DAB1: variants seen among roughly 807,000 people sequenced by gnomAD.
DAB1 encodes disabled homolog 1.
Under a neutral mutation model 64.6 loss-of-function variants are expected in DAB1, and 15 were observed. The ratio of observed to expected loss-of-function variants is 0.23; its 90% CI spans 0.16 to 0.36. The LOEUF is 0.36. DAB1 is among the 10% of genes least tolerant of loss of function. The pLI, the probability that DAB1 is intolerant of heterozygous loss-of-function variation, is 1.00. For synonymous variants in DAB1, 235 were observed against 251.9 expected (o/e 0.93, Z 0.64); for missense variants, 596 against 706.7 (o/e 0.84, Z 1.78).
At chr1:58,190,312 C>T (rs533206546) in intron 4 of DAB1, among the ~76,000 whole-genome samples, 12 of 152,336 alleles carry the variant, frequency 7.9e-5, no homozygotes, top group African/African-American at 2.6e-4. Context: ...CCACTCTGAA[C>T]TTCAAGGGGC....
At chr1:58,039,966 C>CAA (rs546207614) in intron 5 of DAB1, among the ~76,000 whole-genome samples, 1 of 151,852 alleles carries the variant, frequency 6.6e-6, no homozygotes, top group African/African-American at 2.4e-5. Context: ...GCAAAACTAG[C>CAA]AAAAAAATAT....
chr1:57,123,695 T>C (rs1315375279), intron 4 of DAB1, among the ~76,000 whole-genome samples: 1 of 152,170 alleles, frequency 6.6e-6, no homozygotes, highest in Non-Finnish European at 1.5e-5. Context: ...TTTTACTAAA[T>C]TATGGTATAC....
intron 4 of DAB1, among the ~76,000 whole-genome samples, chr1:58,326,984 A>G (rs1047603025): frequency 6.6e-6 from 1 of 152,202 alleles, no homozygotes; most frequent in Admixed American, 6.5e-5. Context: ...TAAAGGGACC[A>G]TATCACTTTT....
At chr1:58,321,345 G>A (rs956707775) in intron 4 of DAB1, among the ~76,000 whole-genome samples, 4 of 152,176 alleles carry the variant, frequency 2.6e-5, no homozygotes, top group Non-Finnish European at 4.4e-5. Flanking sequence ...CAAGGTGATC[G>A]ACGCAGAAGA....
intron 5 of DAB1, among the ~76,000 whole-genome samples, chr1:57,992,731 C>T (rs1483331775): frequency 2.0e-5 from 3 of 151,998 alleles, no homozygotes; most frequent in Non-Finnish European, 4.4e-5. Context: ...TTAGGCTCTG[C>T]TTGAATCCTT....
chr1:57,811,108 G>A (rs993816157), intron 6 of DAB1, among the ~76,000 whole-genome samples: 3 of 152,106 alleles, frequency 2.0e-5, no homozygotes, highest in African/African-American at 7.2e-5. Flanking sequence ...TTGCACTTAA[G>A]GCCCACCTGA....
intron 4 of DAB1, among the ~76,000 whole-genome samples, chr1:58,183,247 T>A (rs771673180): frequency 1.3e-5 from 2 of 152,078 alleles, no homozygotes; most frequent in Admixed American, 6.6e-5. Context: ...TCAGGCAGTT[T>A]ACAAATCTGA....
chr1:58,420,027 A>C (rs1342819369), intron 3 of DAB1, among the ~76,000 whole-genome samples: 4 of 152,154 alleles, frequency 2.6e-5, no homozygotes. Context: ...TTCCTATGTA[A>C]TCATTTCCTG....
chr1:58,515,679 C>A (rs1569930341), intron 2 of DAB1, among the ~76,000 whole-genome samples: 1 of 152,096 alleles, frequency 6.6e-6, no homozygotes, highest in Admixed American at 6.6e-5. Context: ...AAGCAAAGAA[C>A]CTAAAACAGT....
Position 57,645,175 on chromosome 1 carries a change from A to G in DAB1, n.625+4417T>C, listed in dbSNP as rs1444726302. 2.0e-5 allele frequency among the ~76,000 whole-genome samples: 3 copies of G among 152,264 alleles called. No homozygotes were observed. In the East Asian group the frequency reaches 5.8e-4, roughly 29 times the overall value. ...TACCTCCCAAGTCTCCCTGTGGCCT[A>G]CCTAACTGAAAACATGCCAAGAAAC... On this transcript the variant is annotated intron_variant and non_coding_transcript_variant, in intron 7 of 20. Transcript: ENST00000485760.
chr1:57,144,494 G>T (rs2100821041), intron 3 of DAB1, among the ~76,000 whole-genome samples: 1 of 152,134 alleles, frequency 6.6e-6, no homozygotes, highest in East Asian at 1.9e-4. Flanking sequence ...AGGAGTTCGA[G>T]ACCAGCCTGA....
chr1:57,880,636 G>A (rs1196729527), intron 1 of DAB1: 3 of 152,064 alleles, frequency 2.0e-5, no homozygotes, highest in Admixed American at 1.3e-4. Context: ...CTCAGTTATC[G>A]AATCGAAAAA....
chr1:58,298,679 A>G (rs934714143), intron 4 of DAB1, among the ~76,000 whole-genome samples: 1 of 152,236 alleles, frequency 6.6e-6, no homozygotes, highest in African/African-American at 2.4e-5. Context: ...TCCGAGGACT[A>G]GAACTGAGCC....
At chr1:57,856,988 C>A (rs899234421) in intron 1 of DAB1, among the ~76,000 whole-genome samples, 4 of 152,062 alleles carry the variant, frequency 2.6e-5, no homozygotes, top group African/African-American at 9.7e-5. Context: ...TGATCATGAC[C>A]TGTGCAGATA....
intron 4 of DAB1, among the ~76,000 whole-genome samples, chr1:57,129,351 T>C (rs1657441685): frequency 1.3e-5 from 2 of 152,052 alleles, no homozygotes; most frequent in East Asian, 1.9e-4. Flanking sequence ...TAAATTAAAA[T>C]CCCGTATCAT....
At chr1:57,684,203 G>A (rs1012741728) in intron 6 of DAB1, among the ~76,000 whole-genome samples, 14 of 152,110 alleles carry the variant, frequency 9.2e-5, no homozygotes, top group African/African-American at 3.4e-4. Context: ...CAAGTTTGAG[G>A]ATATAGTCTA....
chr1:58,045,658 T>G (rs779522995), intron 5 of DAB1, among the ~76,000 whole-genome samples: 4 of 152,182 alleles, frequency 2.6e-5, no homozygotes, highest in Non-Finnish European at 5.9e-5. Flanking sequence ...CTTCTCTTTA[T>G]CTTTCTTTTT....
chr1:57,801,306 T>C (rs1174723907), intron 6 of DAB1, among the ~76,000 whole-genome samples: 1 of 152,192 alleles, frequency 6.6e-6, no homozygotes, highest in East Asian at 1.9e-4. Flanking sequence ...AATTGTAAGA[T>C]GACAGACTAG....
chr1:58,089,366 C>T (rs183167232), intron 5 of DAB1, among the ~76,000 whole-genome samples: 7 of 152,358 alleles, frequency 4.6e-5, no homozygotes, highest in East Asian at 1.9e-4. Flanking sequence ...CTTACGAGTA[C>T]ATGGCATTTT....
Sources: gnomAD v4.1 joint callset for allele counts (sites outside exome capture counted in the v4.1 genomes callset) on GRCh38, gnomAD v4.1.1 for gene constraint, MANE v1.5 for transcripts, NCBI Gene and HGNC (gene_info 2026-07-23, HGNC 2026-07-21) for gene names.